SEMA6A: variants seen among roughly 807,000 people sequenced by gnomAD.
SEMA6A encodes semaphorin-6A.
Under a neutral mutation model 96.8 loss-of-function variants are expected in SEMA6A, and 25 were observed. The ratio of observed to expected loss-of-function variants is 0.26; its 90% confidence interval spans 0.19 to 0.36. SEMA6A has a LOEUF of 0.36. Among genes scored for constraint, SEMA6A ranks in the 10% least tolerant of loss-of-function variants. SEMA6A has a pLI of 1.00. For synonymous variants in SEMA6A, 612 were observed against 518.0 expected (o/e 1.18, Z -2.46); for missense variants, 1,363 against 1,323.1 (o/e 1.03, Z -0.47).
chr5:116,521,554 C>T (rs1326116285), intron 1 of SEMA6A, among the ~76,000 whole-genome samples: 1 of 152,206 alleles, frequency 6.6e-6, no homozygotes. Context: ...GTCTCTCATC[C>T]TTCAACACAT....
intron 1 of SEMA6A, among the ~76,000 whole-genome samples, chr5:116,510,474 A>G (rs964579062): frequency 3.3e-5 from 5 of 152,188 alleles, no homozygotes; most frequent in Non-Finnish European, 7.3e-5. Flanking sequence ...TGGGACCTCT[A>G]GCAAGATGCT....
intron 12 of SEMA6A, 150 bp from the exon 13 acceptor site, chr5:116,478,868 C>T (rs1412178458): frequency 2.6e-6 from 2 of 774,180 alleles, no homozygotes; most frequent in Non-Finnish European, 4.0e-6. Context: ...TGGTTCTGGC[C>T]CTTTATTTCC....
Position 116,562,958 on chromosome 5 carries a change from C to G in SEMA6A, c.-39+11227G>C, listed in dbSNP as rs184878981. ...ATGGGGTGGATAGAGGACGTCCCCCCCATCCTCTCTGACAGCACCCGCAGG... is the reference window on the plus strand; with the variant it reads ...ATGGGGTGGATAGAGGACGTCCCCCGCATCCTCTCTGACAGCACCCGCAGG... On this transcript the variant is annotated intron_variant, in intron 1 of 18. Coordinates refer to ENST00000343348, the MANE Select transcript of SEMA6A (RefSeq NM_020796.5). The G allele has an allele frequency of 1.5e-5, 9 of 582,064 alleles. No individual in the cohort carries two copies. In the East Asian group the frequency reaches 2.0e-4, roughly 13 times the overall value. 36.1% of individuals were successfully genotyped at this position (582,064 alleles called of 1,614,324 possible).
chr5:116,514,491 G>T (rs1431385268), intron 1 of SEMA6A, among the ~76,000 whole-genome samples: 1 of 151,996 alleles, frequency 6.6e-6, no homozygotes, highest in Non-Finnish European at 1.5e-5. Context: ...TTGTAAACTT[G>T]TGTAAACTGT....
rs1754028445 is a variant in SEMA6A, at chr5:116,443,682, TA to T, written c.*2930del. On this transcript the variant is annotated 3_prime_UTR_variant, in exon 19 of 19. Coordinates refer to ENST00000343348, the MANE Select transcript of SEMA6A (RefSeq NM_020796.5). ...ATACATTAAGTCGTGAATCAGATGT[TA>T]GGGGATGTGGAGATGGAAGGAAAAT... 6.6e-6 allele frequency: 1 copy of T among 152,564 alleles called. No homozygotes were observed. Among genetic ancestry groups the T allele is most frequent in the African/African-American group, 2.4e-5 (1 of 41,428 alleles). The allele number at this position is 152,564 out of a possible 1,614,324, so 9.5% of individuals were successfully genotyped here.
chr5:116,497,231 T>C, intron 4 of SEMA6A, 96 bp downstream of exon 4: 2 of 711,216 alleles, frequency 2.8e-6, no homozygotes, highest in South Asian at 4.0e-5. Context: ...TAAATTATGA[T>C]TAGCTACATC....
rs72214884 is a variant in SEMA6A, at chr5:116,536,866, T to TAAAAAAAAAAAA, written c.-38-31896_-38-31885dup. Among the ~76,000 whole-genome samples the TAAAAAAAAAAAA allele has an allele frequency of 6.5e-4, 45 of 69,512 alleles. 1 individual carries two copies. Among genetic ancestry groups the TAAAAAAAAAAAA allele is most frequent in the African/African-American group, 1.6e-3 (33 of 21,020 alleles). The allele number at this position is 69,512 out of a possible 152,430, so 45.6% of individuals were successfully genotyped here. ...TTTATTCAGTCCCCGTGTGATTTCT[T>TAAAAAAAAAAAA]AAAAAAAAAAAAAAAAAAAAAAAAA... is the stretch of plus-strand genomic sequence containing the variant. On this transcript the variant is annotated intron_variant, in intron 1 of 18. Coordinates refer to ENST00000343348, the MANE Select transcript of SEMA6A (RefSeq NM_020796.5).
At position 116,502,342 on chromosome 5, in the gene SEMA6A, G is replaced by A. The variant is rs372204484; in HGVS notation, c.101-15C>T. ...CTGTTTTGTATCTGTGAAAAGAGGA[G>A]ATGGGGCAAGAAAGGAAAAGCAAAT... On this transcript the variant is annotated splice_polypyrimidine_tract_variant and intron_variant, in intron 2 of 18. Coordinates refer to ENST00000343348, the MANE Select transcript of SEMA6A (RefSeq NM_020796.5). 6.8e-6 allele frequency: 11 copies of A among 1,608,476 alleles called. 1 individual carries two copies. In the African/African-American group the frequency reaches 1.3e-4, roughly 20 times the overall value.
intron 7 of SEMA6A, among the ~76,000 whole-genome samples, chr5:116,490,021 ATGTAG>A (rs201818868): frequency 0.01 from 1,592 of 152,300 alleles, 33 homozygotes; most frequent in African/African-American, 0.035. Flanking sequence ...GCTCTTTTAT[ATGTAG>A]TGTAAACATA....
At chr5:116,534,667 G>C (rs1202724095) in intron 1 of SEMA6A, among the ~76,000 whole-genome samples, 1 of 152,184 alleles carries the variant, frequency 6.6e-6, no homozygotes, top group African/African-American at 2.4e-5. Context: ...TTTCATACTA[G>C]TGACCAGAAG....
chr5:116,456,371 C>T (rs1755011260), intron 18 of SEMA6A, among the ~76,000 whole-genome samples: 1 of 152,136 alleles, frequency 6.6e-6, no homozygotes, highest in South Asian at 2.1e-4. Context: ...AATAATATTC[C>T]AGAAAACATA....
intron 1 of SEMA6A, chr5:116,550,022 A>G (rs1196155988): frequency 6.6e-6 from 1 of 152,186 alleles, no homozygotes; most frequent in Non-Finnish European, 1.5e-5. Flanking sequence ...AACCTTGTAC[A>G]AGCAGAAAAT....
chr5:116,484,464 T>G (rs909636247), intron 10 of SEMA6A, among the ~76,000 whole-genome samples: 2 of 152,056 alleles, frequency 1.3e-5, no homozygotes, highest in Non-Finnish European at 2.9e-5. Flanking sequence ...ACAAACAACA[T>G]AGGGTCTTGC....
intron 1 of SEMA6A, among the ~76,000 whole-genome samples, chr5:116,539,729 C>G (rs141924867): frequency 7.8e-4 from 118 of 152,120 alleles, no homozygotes; most frequent in African/African-American, 2.8e-3. Flanking sequence ...TGGTTAAAAC[C>G]ATTTCCATCA....
At chr5:116,562,920 C>A in intron 1 of SEMA6A, 1 of 591,146 alleles carries the variant, frequency 1.7e-6, no homozygotes, top group Non-Finnish European at 3.2e-6. Flanking sequence ...CCCTTGCCCC[C>A]TCGGGTATGA....
At chr5:116,458,184 C>CAAACT (rs1755138946) in intron 18 of SEMA6A, among the ~76,000 whole-genome samples, 1 of 152,144 alleles carries the variant, frequency 6.6e-6, no homozygotes, top group Non-Finnish European at 1.5e-5. Flanking sequence ...CCACATAATG[C>CAAACT]AAACTACTAA....
intron 1 of SEMA6A, among the ~76,000 whole-genome samples, chr5:116,537,420 G>T (rs939789789): frequency 6.6e-6 from 1 of 152,150 alleles, no homozygotes; most frequent in African/African-American, 2.4e-5. Flanking sequence ...TGCACGTGAA[G>T]CAGTGTTGAG....
At position 116,475,548 on chromosome 5, in the gene SEMA6A, G is replaced by T; in HGVS notation, c.1705C>A (p.His569Asn). ...ATGGATAAAAGACTGTACTTACTGT[G>T]ACAGTCCCCCAGACCATCTGTATTG... is the stretch of plus-strand genomic sequence containing the variant. ...RGNTDGLGDC[H>N]NSFVALNGHS... is the part of the protein sequence containing the mutation. Residue 569 changes from histidine (H) to asparagine (N), a missense_variant, in exon 16 of 19, where the codon CAC becomes AAC. His to Asn is a moderately conservative substitution (Grantham distance 68). Transcript: ENST00000343348. 1 of 1,598,038 alleles carries T rather than the reference G, an allele frequency of 6.3e-7. No individual in the cohort carries two copies. Among genetic ancestry groups the T allele is most frequent in the Non-Finnish European group, 8.5e-7 (1 of 1,171,300 alleles).
In SEMA6A at chr5:116,518,820, C is replaced by T. The variant is rs544092730; in HGVS notation, c.-38-13838G>A. On this transcript the variant is annotated intron_variant, in intron 1 of 18. Transcript: ENST00000343348. ...ACTAGTAAGGATTTCAAGTTCTGAG[C>T]AATGAGAAGGAAAATACACACCTAT... is the stretch of plus-strand genomic sequence containing the variant. 2.0e-5 allele frequency among the ~76,000 whole-genome samples: 3 copies of T among 152,254 alleles called. No individual in the cohort carries two copies. In the South Asian group the frequency reaches 6.2e-4, roughly 32 times the overall value.
Sources: allele counts gnomAD v4.1 joint callset (sites outside exome capture counted in the v4.1 genomes callset), GRCh38; gene constraint gnomAD v4.1.1; transcripts MANE v1.5; gene names NCBI Gene and HGNC (gene_info 2026-07-23, HGNC 2026-07-21).